Variants in PHF11 observed in about 807,000 individuals in gnomAD.
PHF11 encodes BRCA1 C-terminus-associated protein.
A neutral mutation model predicts 40.5 loss-of-function variants in PHF11; 38 were observed. That is an observed-to-expected ratio of 0.94 (90% CI 0.72 to 1.23). PHF11 has a LOEUF of 1.23. PHF11 is among the 50% of genes most tolerant of loss of function. PHF11 has a pLI of 0.00. For synonymous variants in PHF11, 127 were observed against 138.2 expected (o/e 0.92, Z 0.57); for missense variants, 369 against 392.4 (o/e 0.94, Z 0.50).
intron 9 of PHF11, among the ~76,000 whole-genome samples, chr13:49,527,634 T>C (rs1959364042): frequency 6.6e-6 from 1 of 152,240 alleles, no homozygotes; most frequent in Non-Finnish European, 1.5e-5. Flanking sequence ...TATCCATATT[T>C]TTTTAAAGCA....
rs1299877513 is a variant in PHF11, at chr13:49,528,965, T to C, written c.*300T>C. The C allele has an allele frequency of 4.6e-6, 1 of 217,076 alleles. No individual in the cohort carries two copies. The highest frequency in any genetic ancestry group is 9.0e-6 in the Non-Finnish European group (1 of 110,984). 13.4% of individuals were successfully genotyped at this position (217,076 alleles called of 1,614,324 possible). On this transcript the variant is annotated 3_prime_UTR_variant, in exon 10 of 10. Coordinates refer to ENST00000378319, the MANE Select transcript of PHF11 (RefSeq NM_001040443.3). Reference sequence around the variant, plus strand: ...GATAGCCTCTTAGATATAATAAATTTGGATTATACTACTTTACTTGTACCA... The same window carrying C: ...GATAGCCTCTTAGATATAATAAATTCGGATTATACTACTTTACTTGTACCA...
intron 3 of PHF11, among the ~76,000 whole-genome samples, chr13:49,514,367 A>T (rs1363165242): frequency 6.6e-6 from 1 of 152,208 alleles, no homozygotes; most frequent in Non-Finnish European, 1.5e-5. Context: ...GTGCAGGGTG[A>T]AAGGCAACAG....
intron 1 of PHF11, among the ~76,000 whole-genome samples, chr13:49,502,987 G>A (rs953487933): frequency 6.6e-6 from 1 of 152,066 alleles, no homozygotes; most frequent in Non-Finnish European, 1.5e-5. Flanking sequence ...GCCTCCCAAA[G>A]TGCAGGGATT....
intron 1 of PHF11, among the ~76,000 whole-genome samples, chr13:49,498,868 CAAGT>C (rs1408928298): frequency 1.3e-5 from 2 of 152,164 alleles, no homozygotes; most frequent in African/African-American, 2.4e-5. Flanking sequence ...ACACACAGAT[CAAGT>C]AAGTCATGGT....
At chr13:49,515,249 C>A (rs1959136115) in intron 3 of PHF11, among the ~76,000 whole-genome samples, 1 of 151,888 alleles carries the variant, frequency 6.6e-6, no homozygotes, top group South Asian at 2.1e-4. Context: ...ACTATGTGGG[C>A]AGATACATGG....
At chr13:49,506,201 C>T in intron 1 of PHF11, among the ~76,000 whole-genome samples, 1 of 148,744 alleles carries the variant, frequency 6.7e-6, no homozygotes, top group Non-Finnish European at 1.5e-5. Context: ...AGCTTGAGAA[C>T]AGCCTTGGCA....
chr13:49,498,550 C>T (rs1445841122), intron 1 of PHF11, among the ~76,000 whole-genome samples: 1 of 152,194 alleles, frequency 6.6e-6, no homozygotes, highest in African/African-American at 2.4e-5. Flanking sequence ...TGACCTGGTA[C>T]ATTTCAGGTA....
chr13:49,496,261 C>A, intron 1 of PHF11, 166 bp downstream of exon 1: 1 of 648,608 alleles, frequency 1.5e-6, no homozygotes, highest in Non-Finnish European at 2.2e-6. Flanking sequence ...GCTCACCACT[C>A]GCGTGCCTGT....
At chr13:49,506,845 G>A (rs2139041524) in intron 2 of PHF11, 89 bp downstream of exon 2, 10 of 625,540 alleles carry the variant, frequency 1.6e-5, no homozygotes, top group Admixed American at 4.1e-5. Flanking sequence ...TGGACACAAA[G>A]AATAACAAGT....
In PHF11 at chr13:49,523,156, T is replaced by A. The variant is rs1282846993; in HGVS notation, c.571-19T>A. 6.6e-7 allele frequency: 1 copy of A among 1,520,260 alleles called. No individual in the cohort carries two copies. Among genetic ancestry groups the A allele is most frequent in the African/African-American group, 1.4e-5 (1 of 73,154 alleles). 94.2% of individuals were successfully genotyped at this position (1,520,260 alleles called of 1,614,324 possible). On this transcript the variant is annotated intron_variant, in intron 6 of 9. Coordinates refer to ENST00000378319, the MANE Select transcript of PHF11 (RefSeq NM_001040443.3). Reference sequence around the variant, plus strand: ...CAATATTAAAATCAATGTAATGCAATCTTGATTTTCTCTCCTAGCCACCCG... The same window carrying A: ...CAATATTAAAATCAATGTAATGCAAACTTGATTTTCTCTCCTAGCCACCCG...
In PHF11 at chr13:49,520,931, G is replaced by C; in HGVS notation, c.496G>C (p.Ala166Pro). The change falls in exon 5 of 10, where the codon GCT (alanine) becomes CCT (proline). Residue 166 changes from alanine to proline, a missense_variant. Physicochemically the swap from Ala to Pro is conservative, Grantham distance 27. Transcript: ENST00000378319. ...CQQHAQFPII[A>P]QSAKFSGVKR... Reference sequence around the variant, plus strand: ...GCAACATGCTCAATTCCCGATCATCGCTCAAAGTGGTAAGTTTCTAAAATT... The same window carrying C: ...GCAACATGCTCAATTCCCGATCATCCCTCAAAGTGGTAAGTTTCTAAAATT... The C allele has an allele frequency of 6.3e-7, 1 of 1,578,032 alleles. No individual in the cohort carries two copies. Among genetic ancestry groups the C allele is most frequent in the East Asian group, 2.3e-5 (1 of 44,396 alleles).
At chr13:49,509,042 CACAA>C (rs1288905470) in intron 2 of PHF11, among the ~76,000 whole-genome samples, 1 of 152,040 alleles carries the variant, frequency 6.6e-6, no homozygotes, top group African/African-American at 2.4e-5. Context: ...TCTCTCTGGC[CACAA>C]ACAGTGCTAA....
intron 4 of PHF11, among the ~76,000 whole-genome samples, chr13:49,519,657 C>G (rs901807675): frequency 5.7e-5 from 8 of 141,156 alleles, no homozygotes; most frequent in African/African-American, 1.4e-4. Flanking sequence ...CATGGGATAA[C>G]GAGAGCAGGA....
chr13:49,524,489 T>C (rs937395907), intron 8 of PHF11, among the ~76,000 whole-genome samples: 2 of 152,040 alleles, frequency 1.3e-5, no homozygotes, highest in African/African-American at 4.8e-5. Flanking sequence ...TTTTTTTTTT[T>C]TTAAGACGGA....
intron 1 of PHF11, among the ~76,000 whole-genome samples, chr13:49,502,760 T>G (rs1392925847): frequency 2.0e-5 from 3 of 152,250 alleles, no homozygotes; most frequent in Admixed American, 2.0e-4. Context: ...TTCACTCTTG[T>G]TGCCCAGGCC....
intron 4 of PHF11, among the ~76,000 whole-genome samples, 199 bp from the exon 5 acceptor site, chr13:49,520,695 G>A (rs1324210163): frequency 6.6e-6 from 1 of 151,740 alleles, no homozygotes; most frequent in Non-Finnish European, 1.5e-5. Context: ...AGTCCCTGAG[G>A]GCATAAAAGA....
At chr13:49,519,437 G>T (rs1224509176) in intron 4 of PHF11, among the ~76,000 whole-genome samples, 2 of 151,798 alleles carry the variant, frequency 1.3e-5, no homozygotes, top group South Asian at 4.2e-4. Flanking sequence ...TAACAAATAG[G>T]GACTCAATAA....
intron 8 of PHF11, among the ~76,000 whole-genome samples, chr13:49,525,396 T>C (rs905317199): frequency 9.2e-5 from 14 of 152,146 alleles, no homozygotes; most frequent in African/African-American, 3.1e-4. Context: ...TACAGACATG[T>C]GCCAACACAC....
chr13:49,501,002 T>G (rs1322628834), intron 1 of PHF11, among the ~76,000 whole-genome samples: 1 of 118,472 alleles, frequency 8.4e-6, no homozygotes, highest in Non-Finnish European at 1.7e-5. Flanking sequence ...CAACTTTTGT[T>G]TTTTTTTTTT....
Sources: gnomAD v4.1 joint callset for allele counts (sites outside exome capture counted in the v4.1 genomes callset) on GRCh38, gnomAD v4.1.1 for gene constraint, MANE v1.5 for transcripts, NCBI Gene and HGNC (gene_info 2026-07-23, HGNC 2026-07-21) for gene names.